KCNK13: variants seen among roughly 807,000 people sequenced by gnomAD.
KCNK13 encodes the protein potassium two pore domain channel subfamily K member 13.
A neutral mutation model predicts 23.4 loss-of-function variants in KCNK13; 12 were observed. The observed-to-expected ratio is 0.51, with a 90% CI of 0.33 to 0.83. The LOEUF is 0.83. KCNK13 is among the 40% of genes least tolerant of loss of function. The pLI is 0.02. For missense variants in KCNK13, 463 were observed against 556.3 expected, an observed-to-expected ratio of 0.83 and a Z score of 1.69; for synonymous variants, 231 against 229.5, an observed-to-expected ratio of 1.01 and a Z score of -0.06.
chr14:90,078,490 AAGG>A (rs1889168591), intron 1 of KCNK13, among the ~76,000 whole-genome samples: 1 of 151,662 alleles, frequency 6.6e-6, no homozygotes, highest in Admixed American at 6.6e-5. Flanking sequence ...GGAAGGAAGA[AAGG>A]AGAAAGGAAA....
chr14:90,067,066 C>T lies in KCNK13; in HGVS notation c.334+4527C>T, dbSNP rs1167620613. Among the ~76,000 whole-genome samples, 4 of 152,290 alleles carry T rather than the reference C, an allele frequency of 2.6e-5. No homozygotes were observed. In the East Asian group the frequency reaches 5.8e-4, roughly 22 times the overall value. ...CAGGTGGATCACGAGGTCAGGAGTT[C>T]GAGACCAGCCTGGCCAATATGGTGA... On this transcript the variant is annotated intron_variant, in intron 1 of 1. Coordinates refer to ENST00000282146, the MANE Select transcript of KCNK13 (RefSeq NM_022054.4).
Position 90,165,170 on chromosome 14 carries a change from A to G in KCNK13, c.335-18941A>G, listed in dbSNP as rs992211266. ...AACAACCCAGGAAAGACCCACTCCCATGATTCAGTTACCTCCCACTGGGTC... is the reference window on the plus strand; with the variant it reads ...AACAACCCAGGAAAGACCCACTCCCGTGATTCAGTTACCTCCCACTGGGTC... On this transcript the variant is annotated intron_variant, in intron 1 of 1. Coordinates refer to ENST00000282146, the MANE Select transcript of KCNK13 (RefSeq NM_022054.4). Among the ~76,000 whole-genome samples the G allele has an allele frequency of 2.0e-5, 3 of 152,278 alleles. No individual in the cohort carries two copies. In the South Asian group the frequency reaches 6.2e-4, roughly 32 times the overall value.
At chr14:90,093,179 T>G (rs1449627509) in intron 1 of KCNK13, among the ~76,000 whole-genome samples, 3 of 152,058 alleles carry the variant, frequency 2.0e-5, no homozygotes, top group Non-Finnish European at 1.5e-5. Context: ...GGAAATTTGC[T>G]CCTCACTGCA....
intron 1 of KCNK13, among the ~76,000 whole-genome samples, chr14:90,128,541 A>G (rs1889830021): frequency 6.6e-6 from 1 of 152,134 alleles, no homozygotes; most frequent in African/African-American, 2.4e-5. Flanking sequence ...GCATAGCGGC[A>G]GAAATAAAGG....
chr14:90,064,010 T>A (rs1888977909), intron 1 of KCNK13, among the ~76,000 whole-genome samples: 1 of 152,126 alleles, frequency 6.6e-6, no homozygotes. Context: ...CAGACCAGAA[T>A]GGGCCCAAGA....
chr14:90,183,498 A>G (rs991736591), intron 1 of KCNK13, among the ~76,000 whole-genome samples: 1 of 151,994 alleles, frequency 6.6e-6, no homozygotes, highest in Non-Finnish European at 1.5e-5. Context: ...TCTAAGCCCC[A>G]CTTCTTAGAT....
intron 1 of KCNK13, among the ~76,000 whole-genome samples, chr14:90,070,766 G>C (rs1343127556): frequency 6.6e-6 from 1 of 152,130 alleles, no homozygotes; most frequent in Non-Finnish European, 1.5e-5. Context: ...TGTTTCATGC[G>C]AACAATGGCA....
chr14:90,099,900 G>A (rs1889453917), intron 1 of KCNK13, among the ~76,000 whole-genome samples: 1 of 152,110 alleles, frequency 6.6e-6, no homozygotes, highest in African/African-American at 2.4e-5. Flanking sequence ...TCCCAAATTT[G>A]TGCTTATTTG....
rs372677443 is a variant in KCNK13, at chr14:90,101,084, C to T, written c.334+38545C>T. Among the ~76,000 whole-genome samples, 10 of 152,268 alleles carry T rather than the reference C, an allele frequency of 6.6e-5. No individual in the cohort carries two copies. The East Asian group carries it at 1.2e-3, about 18-fold the overall frequency. The stretch of plus-strand genomic sequence containing the variant: ...TGATGGAATTATGTCATTCGAGGTA[C>T]TTCAATCCCCTGTTCAGTTTCTCAG... On this transcript the variant is annotated intron_variant, in intron 1 of 1. Transcript: ENST00000282146.
chr14:90,071,584 C>A (rs1889074672), intron 1 of KCNK13, among the ~76,000 whole-genome samples: 1 of 152,172 alleles, frequency 6.6e-6, no homozygotes, highest in East Asian at 1.9e-4. Flanking sequence ...CTGGATTCCC[C>A]ACAGTAAAGG....
chr14:90,148,193 G>A (rs950546548), intron 1 of KCNK13, among the ~76,000 whole-genome samples: 1 of 152,080 alleles, frequency 6.6e-6, no homozygotes, highest in Non-Finnish European at 1.5e-5. Context: ...ACAAGTCTTA[G>A]GTTTACAGGG....
At chr14:90,087,143 TA>T (rs1566949166) in intron 1 of KCNK13, among the ~76,000 whole-genome samples, 6 of 115,382 alleles carry the variant, frequency 5.2e-5, no homozygotes, top group East Asian at 6.1e-4. Context: ...TATATATATA[TA>T]TATATATATA....
Position 90,184,382 on chromosome 14 carries a change from C to T in KCNK13, c.606C>T (p.Cys202=), listed in dbSNP as rs779143955. 5.6e-6 allele frequency: 9 copies of T among 1,614,244 alleles called. No homozygotes were observed. The highest frequency in any genetic ancestry group is 7.6e-6 in the Non-Finnish European group (9 of 1,180,048). ...PSVYYVMLIL[C]TASILISCCA... ...TGTACTACGTCATGCTGATCCTATG[C>T]ACAGCCTCCATCCTCATCTCTTGCT... is the stretch of plus-strand genomic sequence containing the variant. The change falls in exon 2 of 2, where the codon TGC becomes TGT. Residue 202 remains cysteine (C), a synonymous_variant. Coordinates refer to ENST00000282146, the MANE Select transcript of KCNK13 (RefSeq NM_022054.4). This position sits in a 1 kb window ranked among gnomAD's most constrained non-coding sequence, Gnocchi z 5.6.
chr14:90,099,639 C>T (rs1318892072), intron 1 of KCNK13, among the ~76,000 whole-genome samples: 3 of 152,106 alleles, frequency 2.0e-5, no homozygotes, highest in African/African-American at 4.8e-5. Flanking sequence ...ATGTTGAGGA[C>T]TCTAGATGGA....
chr14:90,064,145 A>G (rs1290157424), intron 1 of KCNK13, among the ~76,000 whole-genome samples: 3 of 152,174 alleles, frequency 2.0e-5, no homozygotes, highest in African/African-American at 7.2e-5. Context: ...ACAGTTCCAG[A>G]ATCTCCACAT....
chr14:90,065,013 A>T (rs1041511556), intron 1 of KCNK13, among the ~76,000 whole-genome samples: 1 of 152,186 alleles, frequency 6.6e-6, no homozygotes, highest in African/African-American at 2.4e-5. Flanking sequence ...TTTTTTGTAA[A>T]ATAAAGTATA....
At chr14:90,127,772 T>C (rs1389750910) in intron 1 of KCNK13, among the ~76,000 whole-genome samples, 1 of 147,610 alleles carries the variant, frequency 6.8e-6, no homozygotes, top group African/African-American at 2.5e-5. Flanking sequence ...TGAGCCATGA[T>C]TGCACCACTG....
At position 90,146,902 on chromosome 14, in the gene KCNK13, G is replaced by A. The variant is rs117546768; in HGVS notation, c.335-37209G>A. Among the ~76,000 whole-genome samples the A allele has an allele frequency of 8.9e-3, 1,346 of 150,482 alleles. 12 individuals are homozygous for A. Among genetic ancestry groups the A allele is most frequent in the Non-Finnish European group, 0.012 (813 of 67,642 alleles). ...AGTATTTTTATAATTCCATTTTGTC[G>A]TCTTTGTTGGCTTATTAGTTAAAAT... On this transcript the variant is annotated intron_variant, in intron 1 of 1. Transcript: ENST00000282146.
intron 1 of KCNK13, among the ~76,000 whole-genome samples, chr14:90,066,955 A>AAT (rs35719058): frequency 0.01 from 1,540 of 150,254 alleles, 10 homozygotes; most frequent in Non-Finnish European, 0.016. Flanking sequence ...CATACAATGG[A>AAT]ATATGATTCA....
Sources: gnomAD v4.1 joint callset for allele counts (sites outside exome capture counted in the v4.1 genomes callset) on GRCh38, gnomAD v4.1.1 for gene constraint, Gnocchi (gnomAD v3.1) non-coding constraint, MANE v1.5 for transcripts, NCBI Gene and HGNC (gene_info 2026-07-23, HGNC 2026-07-21) for gene names.